The following ETFDH variants were observed in gnomAD, a reference collection of about 807,000 sequenced individuals.
ETFDH encodes the protein electron transfer flavoprotein dehydrogenase, also known as electron transfer flavoprotein-ubiquinone oxidoreductase, mitochondrial.
In ETFDH, 61 loss-of-function variants were observed where a neutral mutation model predicts 73.2. That is an observed-to-expected ratio of 0.83 (90% CI 0.68 to 1.03). The LOEUF (loss-of-function observed/expected upper bound fraction) is 1.03, where lower values mean the gene tolerates loss of function less well. Ranked by LOEUF, ETFDH falls within the 50% of genes least tolerant of loss-of-function variation. The pLI is 0.00. For synonymous variants in ETFDH, 243 were observed against 253.3 expected (o/e 0.96, Z 0.39); for missense variants, 685 against 745.0 (o/e 0.92, Z 0.94).
rs185713092 is a variant in ETFDH, at chr4:158,690,781, A to G, written c.684+356A>G. ...GGTGTTGGGATGCCAAGGCAGATAGATCACTTGAACCCAGGAGTTTGAGAA... is the reference window on the plus strand; with the variant it reads ...GGTGTTGGGATGCCAAGGCAGATAGGTCACTTGAACCCAGGAGTTTGAGAA... On this transcript the variant is annotated intron_variant, in intron 6 of 12. Transcript: ENST00000511912. Among the ~76,000 whole-genome samples the G allele has an allele frequency of 2.2e-3, 332 of 152,324 alleles. 2 individuals are homozygous for G. Among genetic ancestry groups the G allele is most frequent in the African/African-American group, 7.6e-3 (318 of 41,578 alleles).
chr4:158,698,782 A>G (rs1774378462), intron 8 of ETFDH, among the ~76,000 whole-genome samples: 1 of 152,216 alleles, frequency 6.6e-6, no homozygotes, highest in Non-Finnish European at 1.5e-5. Flanking sequence ...TAATAAACAC[A>G]TGCTATCCTT....
At position 158,708,715 on chromosome 4, in the gene ETFDH, C is replaced by A; in HGVS notation, c.*188C>A. 1 of 573,464 alleles carries A rather than the reference C, an allele frequency of 1.7e-6. No individual in the cohort carries two copies. The highest frequency in any genetic ancestry group is 3.1e-6 in the Non-Finnish European group (1 of 324,742). The allele number at this position is 573,464 out of a possible 1,614,324, so 35.5% of individuals were successfully genotyped here. ...ATTACGGGTATTGCTTTTAAATAAC[C>A]TTTATAAGAATGCAGCATCTTCCTA... On this transcript the variant is annotated 3_prime_UTR_variant, in exon 13 of 13. Coordinates refer to ENST00000511912, the MANE Select transcript of ETFDH (RefSeq NM_004453.4).
Position 158,673,279 on chromosome 4 carries a change from G to C in ETFDH, c.34+789G>C, listed in dbSNP as rs568455873. Among the ~76,000 whole-genome samples the C allele has an allele frequency of 2.0e-5, 3 of 152,308 alleles. No individual in the cohort carries two copies. The East Asian group carries it at 5.8e-4, about 29-fold the overall frequency. ...GATCGCACCACTGCACTCCAGCCTA[G>C]GTGAAAGAGCCAGACTCCGTCTCAA... is the stretch of plus-strand genomic sequence containing the variant. On this transcript the variant is annotated intron_variant, in intron 1 of 12. Coordinates refer to ENST00000511912, the MANE Select transcript of ETFDH (RefSeq NM_004453.4).
rs1554033706 is a variant in ETFDH at position 158,709,019 on chromosome 4, T to TGTGTGTGTGTGTG, written c.*492_*493insGTGTGTGTGTGTG. 4 of 150,336 alleles carry TGTGTGTGTGTGTG rather than the reference T, an allele frequency of 2.7e-5. No individual in the cohort carries two copies. Among genetic ancestry groups the TGTGTGTGTGTGTG allele is most frequent in the Admixed American group, 1.3e-4 (2 of 15,396 alleles). The allele number at this position is 150,336 out of a possible 1,614,324, so 9.3% of individuals were successfully genotyped here. On this transcript the variant is annotated 3_prime_UTR_variant, in exon 13 of 13. Coordinates refer to ENST00000511912, the MANE Select transcript of ETFDH (RefSeq NM_004453.4). Reference sequence around the variant, plus strand: ...GAAGTATGCCCATCCCTGAACAAGTTTGTGTGTGTGTGTGTGTGTGTGTGT... The same window carrying TGTGTGTGTGTGTG: ...GAAGTATGCCCATCCCTGAACAAGTTGTGTGTGTGTGTGTGTGTGTGTGTGTGTGTGTGTGTGT...
chr4:158,693,773 T>G (rs931868577), intron 6 of ETFDH, among the ~76,000 whole-genome samples: 14 of 152,328 alleles, frequency 9.2e-5, no homozygotes, highest in African/African-American at 3.1e-4. Flanking sequence ...TATATAAAAG[T>G]TAAACACTTC....
intron 1 of ETFDH, 54 bp downstream of exon 1, chr4:158,672,544 A>C (rs950789689): frequency 1.3e-6 from 2 of 1,574,774 alleles, no homozygotes; most frequent in Admixed American, 3.3e-5. Context: ...AAAAGGGACA[A>C]GGCCGGTCCT....
At position 158,706,492 on chromosome 4, in the gene ETFDH, AGAACAGTATATT is replaced by A; in HGVS notation, c.1468+122_1469-125del. 3 of 1,105,564 alleles carry A rather than the reference AGAACAGTATATT, an allele frequency of 2.7e-6. No homozygotes were observed. In the South Asian group the frequency reaches 3.8e-5, roughly 14 times the overall value. The allele number at this position is 1,105,564 out of a possible 1,614,324, so 68.5% of individuals were successfully genotyped here. A position where few individuals can be genotyped will look rare whatever the true frequency, so the allele number is the denominator to read the frequency against. On this transcript the variant is annotated intron_variant, in intron 11 of 12. Coordinates refer to ENST00000511912, the MANE Select transcript of ETFDH (RefSeq NM_004453.4). ...GGAGAAATTATAAATTTAGTGTCTA[AGAACAGTATATT>A]ATTACTTGAGGGCTAGTCATATTTC...
chr4:158,699,196 A>C, intron 9 of ETFDH, 66 bp downstream of exon 9: 3 of 1,335,006 alleles, frequency 2.2e-6, no homozygotes, highest in Non-Finnish European at 3.2e-6. Context: ...CATATAATGT[A>C]ACAAATTTAG....
At position 158,709,586 on chromosome 4, in the gene ETFDH, T is replaced by TG; in HGVS notation, c.*1060dup. On this transcript the variant is annotated 3_prime_UTR_variant, in exon 13 of 13. Coordinates refer to ENST00000511912, the MANE Select transcript of ETFDH (RefSeq NM_004453.4). ...TGTATTGTGACATGTTTATTAAGCA[T>TG]GAACCCCTATCAGTACTCCTAAACT... is the stretch of plus-strand genomic sequence containing the variant. 1.8e-6 allele frequency: 1 copy of TG among 568,806 alleles called. No homozygotes were observed. The highest frequency in any genetic ancestry group is 3.0e-6 in the Non-Finnish European group (1 of 328,384). The allele number at this position is 568,806 out of a possible 1,614,324, so 35.2% of individuals were successfully genotyped here. A position where few individuals can be genotyped will look rare whatever the true frequency, so the allele number is the denominator to read the frequency against.
intron 9 of ETFDH, 36 bp downstream of exon 9, chr4:158,699,166 A>G (rs746025486): frequency 1.3e-6 from 2 of 1,565,646 alleles, no homozygotes; most frequent in Non-Finnish European, 1.8e-6. Context: ...TTGTTTCTGT[A>G]TTATAAATTC....
chr4:158,702,314 T>C (rs1774485139), intron 9 of ETFDH, among the ~76,000 whole-genome samples: 1 of 152,226 alleles, frequency 6.6e-6, no homozygotes, highest in South Asian at 2.1e-4. Flanking sequence ...TTTGTGTTGG[T>C]AATATTTAAA....
intron 12 of ETFDH, among the ~76,000 whole-genome samples, chr4:158,708,015 C>G (rs1301602256): frequency 1.8e-4 from 27 of 152,162 alleles, no homozygotes; most frequent in Admixed American, 1.8e-3. Context: ...TGAGTACTAC[C>G]TGAGGTTTCA....
intron 6 of ETFDH, among the ~76,000 whole-genome samples, chr4:158,693,731 G>A (rs1269117257): frequency 6.6e-6 from 1 of 152,086 alleles, no homozygotes; most frequent in East Asian, 1.9e-4. Flanking sequence ...CTAAAAACCT[G>A]TGAAAAAACA....
chr4:158,696,498 C>A (rs1774310757), intron 7 of ETFDH, among the ~76,000 whole-genome samples: 2 of 151,302 alleles, frequency 1.3e-5, no homozygotes, highest in Admixed American at 1.3e-4. Context: ...AGAGTGAGAT[C>A]CTATCTCTAA....
chr4:158,690,539 C>T, intron 6 of ETFDH, 114 bp downstream of exon 6: 5 of 770,768 alleles, frequency 6.5e-6, no homozygotes, highest in Non-Finnish European at 4.8e-6. Flanking sequence ...ATTAGCTGGG[C>T]TTCGTGGTAT....
intron 10 of ETFDH, among the ~76,000 whole-genome samples, chr4:158,705,232 C>T (rs973521751): frequency 4.6e-5 from 7 of 152,032 alleles, no homozygotes; most frequent in African/African-American, 1.7e-4. Context: ...GGGTCTCTCT[C>T]TGTTGCCCAA....
intron 5 of ETFDH, among the ~76,000 whole-genome samples, chr4:158,686,219 C>G (rs946971474): frequency 1.1e-4 from 16 of 152,150 alleles, no homozygotes; most frequent in African/African-American, 3.6e-4. Context: ...TTTAGCCTAT[C>G]ATTTTCTGAG....
chr4:158,694,164 C>T (rs148378573), intron 6 of ETFDH, among the ~76,000 whole-genome samples: 140 of 152,192 alleles, frequency 9.2e-4, no homozygotes, highest in African/African-American at 3.2e-3. Flanking sequence ...AGAAAAGGAA[C>T]GTATATTTTT....
At chr4:158,685,314 A>T (rs1383391955) in intron 5 of ETFDH, 95 bp downstream of exon 5, 22 of 756,932 alleles carry the variant, frequency 2.9e-5, no homozygotes, top group Non-Finnish European at 4.4e-5. Flanking sequence ...AATATTTTTT[A>T]AAAGCCATGG....
Sources: gnomAD v4.1 joint callset for allele counts (sites outside exome capture counted in the v4.1 genomes callset) on GRCh38, gnomAD v4.1.1 for gene constraint, MANE v1.5 for transcripts, NCBI Gene and HGNC (gene_info 2026-07-23, HGNC 2026-07-21) for gene names.